C1QTNF9B: variants seen among roughly 807,000 people sequenced by gnomAD.
C1QTNF9B encodes the protein complement C1q and tumor necrosis factor-related protein 9B.
A neutral mutation model predicts 10.1 loss-of-function variants in C1QTNF9B; 9 were observed. The ratio of observed to expected loss-of-function variants is 0.89; its 90% CI spans 0.53 to 1.55. The LOEUF is 1.55. C1QTNF9B is among the 40% of genes most tolerant of loss of function. The probability of loss-of-function intolerance (pLI) is 0.00; values close to 1 mark genes in which losing one functional copy is unlikely to be tolerated. For missense variants in C1QTNF9B, 196 were observed against 414.4 expected (o/e 0.47, Z 4.58); for synonymous variants, 79 against 159.9 (o/e 0.49, Z 3.82).
chr13:23,895,756 T>TACACACACAC lies in C1QTNF9B; in HGVS notation c.166+1055_166+1064dup, dbSNP rs71185099. On this transcript the variant is annotated intron_variant, in intron 1 of 2. Coordinates refer to ENST00000382137, the Ensembl canonical transcript of C1QTNF9B. ...AATAAAATACACACAGACACAGACA[T>TACACACACAC]ACACACACACACACACACACACACA... Among the ~76,000 whole-genome samples, 1,329 of 146,656 alleles carry TACACACACAC rather than the reference T, an allele frequency of 9.1e-3. 13 individuals carry two copies. The highest frequency in any genetic ancestry group is 6.3e-3 in the Non-Finnish European group (415 of 66,182).
At chr13:23,892,110 T>C (rs1872024134) in intron 2 of C1QTNF9B, 49 bp from the exon 5 acceptor site, 1 of 1,604,640 alleles carries the variant, frequency 6.2e-7, no homozygotes, top group Non-Finnish European at 8.5e-7. Flanking sequence ...AAGATTCCCT[T>C]GTGAACAACT....
At chr13:23,896,850 T>A in exon 1 of C1QTNF9B, 1 of 1,613,538 alleles carries the variant, frequency 6.2e-7, no homozygotes, top group African/African-American at 1.3e-5. Flanking sequence ...CTTCGCTCCG[T>A]CTCGTCCATC....
In C1QTNF9B at chr13:23,891,257, G is replaced by C. The variant is rs1871905456; in HGVS notation, c.*32C>G. 18 of 1,460,980 alleles carry C rather than the reference G, an allele frequency of 1.2e-5. No homozygotes were observed. The East Asian group carries it at 4.1e-4, about 33-fold the overall frequency. 90.5% of individuals were successfully genotyped at this position (1,460,980 alleles called of 1,614,324 possible). A position where few individuals can be genotyped will look rare whatever the true frequency, so the allele number is the denominator to read the frequency against. ...AGTTCATCCCAAGCTGATTCTGATG[G>C]ATGGTCTGGCAGATTTATAAACTCT... On this transcript the variant is annotated 3_prime_UTR_variant, in exon 3 of 3. Coordinates refer to ENST00000382137, the Ensembl canonical transcript of C1QTNF9B.
intron 2 of C1QTNF9B, among the ~76,000 whole-genome samples, chr13:23,892,433 C>T (rs1183081127): frequency 6.6e-6 from 1 of 152,176 alleles, no homozygotes; most frequent in Non-Finnish European, 1.5e-5. Context: ...GAGAGGCAGA[C>T]TACTTGAGTC....
intron 2 of C1QTNF9B, among the ~76,000 whole-genome samples, chr13:23,892,603 C>T (rs1345061162): frequency 1.3e-5 from 2 of 152,120 alleles, no homozygotes; most frequent in African/African-American, 2.4e-5. Flanking sequence ...TGCAGTGATC[C>T]GTGATCAAAC....
At chr13:23,896,016 G>A (rs1474659883) in intron 1 of C1QTNF9B, among the ~76,000 whole-genome samples, 1 of 152,114 alleles carries the variant, frequency 6.6e-6, no homozygotes, top group East Asian at 1.9e-4. Flanking sequence ...AAACTATCAG[G>A]CCACCAAATG....
At chr13:23,895,601 T>C (rs535263855) in intron 1 of C1QTNF9B, among the ~76,000 whole-genome samples, 3 of 152,006 alleles carry the variant, frequency 2.0e-5, no homozygotes, top group South Asian at 4.2e-4. Context: ...ACGGAAGAGG[T>C]AGAGAAATTT....
At chr13:23,897,167 T>G, upstream of C1QTNF9B, 1 of 705,874 alleles carries the variant, frequency 1.4e-6, no homozygotes, top group Non-Finnish European at 2.3e-6. Flanking sequence ...GCAAGCTGGT[T>G]ATTACCAGGA....
At position 23,894,205 on chromosome 13, in the gene C1QTNF9B, G is replaced by C; in HGVS notation, c.167-4C>G. ...CTGCCAGGACATCCTGGTTCTCCTAGGTGGAAAAGCAGAAAACAGGCATGA... is the reference window on the plus strand; with the variant it reads ...CTGCCAGGACATCCTGGTTCTCCTACGTGGAAAAGCAGAAAACAGGCATGA... On this transcript the variant is annotated splice_polypyrimidine_tract_variant and splice_region_variant and intron_variant, in intron 1 of 2. Coordinates refer to ENST00000382137, the Ensembl canonical transcript of C1QTNF9B. 2 of 1,487,198 alleles carry C rather than the reference G, an allele frequency of 1.3e-6. No homozygotes were observed. The highest frequency in any genetic ancestry group is 1.9e-6 in the Non-Finnish European group (2 of 1,072,330). 92.1% of individuals were successfully genotyped at this position (1,487,198 alleles called of 1,614,324 possible). A position where few individuals can be genotyped will look rare whatever the true frequency, so the allele number is the denominator to read the frequency against.
At chr13:23,893,039 C>A (rs935380831) in intron 2 of C1QTNF9B, among the ~76,000 whole-genome samples, 38 of 152,178 alleles carry the variant, frequency 2.5e-4, no homozygotes, top group Non-Finnish European at 2.8e-4. Context: ...CTTCCTTGCA[C>A]CCCCACCCAT....
exon 3 of C1QTNF9B, chr13:23,891,368 C>T (rs1871921128): frequency 1.9e-6 from 3 of 1,580,292 alleles, no homozygotes; most frequent in Non-Finnish European, 8.7e-7. Flanking sequence ...GAACCTCTCT[C>T]CTCCTGTCAC....
At chr13:23,897,132 T>C (rs1409521237), upstream of C1QTNF9B, 1 of 1,179,442 alleles carries the variant, frequency 8.5e-7, no homozygotes, top group Admixed American at 2.6e-5. Context: ...CTGGACAGAC[T>C]TGGCAGAAGA....
Position 23,891,847 on chromosome 13 carries a change from A to G in C1QTNF9B, c.444T>C (p.Thr148=), listed in dbSNP as rs775273604. The G allele has an allele frequency of 6.2e-6, 10 of 1,611,058 alleles. No homozygotes were observed. In the East Asian group the frequency reaches 1.6e-4, roughly 25 times the overall value. ...TAGGGCCCATGGGGCCCGGTAAACC[A>G]GTTGGGCCCAAAGGCCCAATGTTGC... The change falls in exon 3 of 3, where the codon ACT becomes ACC. Residue 148 remains threonine (T), a synonymous_variant. Coordinates refer to ENST00000382137, the Ensembl canonical transcript of C1QTNF9B.
chr13:23,895,755 A>G (rs1268590424), intron 1 of C1QTNF9B, among the ~76,000 whole-genome samples: 1 of 139,978 alleles, frequency 7.1e-6, no homozygotes, highest in African/African-American at 2.8e-5. Context: ...AGACACAGAC[A>G]TACACACACA....
At position 23,896,874 on chromosome 13, in the gene C1QTNF9B, C is replaced by A. The variant is rs148135610; in HGVS notation, c.113G>T (p.Gly38Val). 332 of 1,613,938 alleles carry A rather than the reference C, an allele frequency of 2.1e-4. No individual in the cohort carries two copies. Among genetic ancestry groups the A allele is most frequent in the Non-Finnish European group, 2.7e-4 (318 of 1,179,950 alleles). The change falls in exon 1 of 3, where the codon GGT becomes GTT. Residue 38 changes from glycine (G) to valine (V), a missense_variant. Gly to Val is a moderately radical substitution (Grantham distance 109). Coordinates refer to ENST00000382137, the Ensembl canonical transcript of C1QTNF9B. ...GTCTCGTCCATCTCTTCCAGGCAGACCATTGTGACCGGGGTTCCCAGGGAT... is the reference window on the plus strand; with the variant it reads ...GTCTCGTCCATCTCTTCCAGGCAGAACATTGTGACCGGGGTTCCCAGGGAT...
rs528327730 is a variant in C1QTNF9B, at chr13:23,896,324, C to G, written c.166+497G>C. On this transcript the variant is annotated intron_variant, in intron 1 of 2. Coordinates refer to ENST00000382137, the Ensembl canonical transcript of C1QTNF9B. Reference sequence around the variant, plus strand: ...CCAGACCCTGCCTAGGTCATAGATTCATAAGCAGCAGCTGTATGTGTCATC... The same window carrying G: ...CCAGACCCTGCCTAGGTCATAGATTGATAAGCAGCAGCTGTATGTGTCATC... 2.0e-5 allele frequency among the ~76,000 whole-genome samples: 3 copies of G among 152,310 alleles called. No homozygotes were observed. In the South Asian group the frequency reaches 6.2e-4, roughly 32 times the overall value.
At chr13:23,895,388 C>G (rs1272334853) in intron 1 of C1QTNF9B, among the ~76,000 whole-genome samples, 1 of 151,916 alleles carries the variant, frequency 6.6e-6, no homozygotes, top group African/African-American at 2.4e-5. Flanking sequence ...AAAACATACA[C>G]AAAAATACAC....
At chr13:23,895,232 G>A (rs147948364) in intron 1 of C1QTNF9B, among the ~76,000 whole-genome samples, 10 of 151,450 alleles carry the variant, frequency 6.6e-5, no homozygotes, top group Non-Finnish European at 1.0e-4. Flanking sequence ...CTTGGCTCTC[G>A]TTTCTCCCAT....
rs147465419 is a variant in C1QTNF9B at position 23,892,978 on chromosome 13, C to T, written c.230-917G>A. Among the ~76,000 whole-genome samples, 794 of 152,262 alleles carry T rather than the reference C, an allele frequency of 5.2e-3. 9 individuals carry two copies. Among genetic ancestry groups the T allele is most frequent in the African/African-American group, 0.019 (775 of 41,544 alleles). ...ATTGCCCTCTCCTGCCCAACCCCAGCCCCAACCCACCTATCCCACCGGCAA... is the reference window on the plus strand; with the variant it reads ...ATTGCCCTCTCCTGCCCAACCCCAGTCCCAACCCACCTATCCCACCGGCAA... On this transcript the variant is annotated intron_variant, in intron 2 of 2. Transcript: ENST00000382137.
Sources: gnomAD v4.1 joint callset for allele counts (sites outside exome capture counted in the v4.1 genomes callset) on GRCh38, gnomAD v4.1.1 for gene constraint, MANE v1.5 for transcripts, NCBI Gene and HGNC (gene_info 2026-07-23, HGNC 2026-07-21) for gene names.